The following CFAP100 variants were observed in gnomAD, a reference collection of about 807,000 sequenced individuals.
CFAP100 encodes the protein cilia- and flagella-associated protein 100.
CFAP100 carries 70 observed loss-of-function variants against 81.5 expected under a neutral mutation model. That is an observed-to-expected ratio of 0.86 (90% CI 0.71 to 1.05). The LOEUF (loss-of-function observed/expected upper bound fraction) is 1.05, where lower values mean the gene tolerates loss of function less well. CFAP100 is among the 50% of genes least tolerant of loss of function. The probability of loss-of-function intolerance (pLI) is 0.00; values close to 1 mark genes in which losing one functional copy is unlikely to be tolerated. For missense variants in CFAP100, 811 were observed against 776.5 expected, an observed-to-expected ratio of 1.04 and a Z score of -0.53; for synonymous variants, 341 against 314.8, an observed-to-expected ratio of 1.08 and a Z score of -0.88.
chr3:126,428,894 G>A (rs1186346486), intron 13 of CFAP100, among the ~76,000 whole-genome samples: 1 of 151,946 alleles, frequency 6.6e-6, no homozygotes, highest in Non-Finnish European at 1.5e-5. Flanking sequence ...ATCATCTGAG[G>A]TCAGGAGTTC....
rs779710753 is a variant in CFAP100, at chr3:126,434,173, C to A, written c.1423-3C>A. On this transcript the variant is annotated splice_region_variant and splice_polypyrimidine_tract_variant and intron_variant, in intron 14 of 16. Transcript: ENST00000352312. ...ACCCTGCTGGAAGCCACCTCCTCCA[C>A]AGGATAAGCTGCTAGAGAGCCTGAA... 1 of 1,601,420 alleles carries A rather than the reference C, an allele frequency of 6.2e-7. No homozygotes were observed. The highest frequency in any genetic ancestry group is 8.5e-7 in the Non-Finnish European group (1 of 1,170,880).
intron 2 of CFAP100, among the ~76,000 whole-genome samples, chr3:126,403,029 A>G (rs1306672799): frequency 6.6e-6 from 1 of 152,118 alleles, no homozygotes; most frequent in East Asian, 1.9e-4. Context: ...ACACCTGTGC[A>G]TCACAGTGCT....
At chr3:126,431,283 C>T (rs943235533) in intron 13 of CFAP100, among the ~76,000 whole-genome samples, 2 of 152,106 alleles carry the variant, frequency 1.3e-5, no homozygotes, top group African/African-American at 2.4e-5. Context: ...TAGCTGCCCT[C>T]GAGGTGATCC....
chr3:126,432,104 C>G (rs1159233407), intron 13 of CFAP100, among the ~76,000 whole-genome samples: 1 of 151,838 alleles, frequency 6.6e-6, no homozygotes, highest in Non-Finnish European at 1.5e-5. Flanking sequence ...CACAGTGAAA[C>G]CCCGTCTCTA....
intron 2 of CFAP100, among the ~76,000 whole-genome samples, chr3:126,398,043 T>C (rs1213249882): frequency 1.3e-5 from 2 of 152,252 alleles, no homozygotes; most frequent in African/African-American, 2.4e-5. Context: ...GGGAGGACTA[T>C]TGGCCTCTGC....
chr3:126,418,302 G>C, intron 5 of CFAP100, 156 bp from the exon 6 acceptor site: 1 of 633,212 alleles, frequency 1.6e-6, no homozygotes, highest in Non-Finnish European at 2.8e-6. Flanking sequence ...TGTGGAGACA[G>C]AGGACAAGAA....
At chr3:126,431,698 C>G (rs1241083744) in intron 13 of CFAP100, among the ~76,000 whole-genome samples, 1 of 151,876 alleles carries the variant, frequency 6.6e-6, no homozygotes, top group African/African-American at 2.4e-5. Flanking sequence ...ATTCTTCTAT[C>G]TATAAAATCT....
Position 126,419,653 on chromosome 3 carries a change from G to GC in CFAP100, c.748_749insC (p.Glu250AlafsTer11). On this transcript the variant is annotated frameshift_variant, in exon 9 of 17. Transcript: ENST00000352312. LOFTEE classifies it high-confidence loss of function. The stretch of plus-strand genomic sequence containing the variant: ...CCGGTGTAGTGAGATCTCCAGATTT[G>GC]AAGACACTCTGAAGCATTACAAGGT... 2 of 1,613,806 alleles carry GC rather than the reference G, an allele frequency of 1.2e-6. No homozygotes were observed. The highest frequency in any genetic ancestry group is 2.2e-5 in the South Asian group (2 of 91,064).
Position 126,419,711 on chromosome 3 carries a change from A to G in CFAP100, c.806A>G (p.Lys269Arg). ...YKDFLYKLSP[K>R]EWLEEQEKKH... Reference sequence around the variant, plus strand: ...GATTTCCTATACAAGCTGTCGCCCAAGGAGTGGCTTGAAGAACAGGAAAAG... The same window carrying G: ...GATTTCCTATACAAGCTGTCGCCCAGGGAGTGGCTTGAAGAACAGGAAAAG... The change falls in exon 9 of 17, where the codon AAG becomes AGG. Residue 269 changes from lysine (K) to arginine (R), a missense_variant. Transcript: ENST00000352312. 6.2e-7 allele frequency: 1 copy of G among 1,614,112 alleles called. No individual in the cohort carries two copies. Among genetic ancestry groups the G allele is most frequent in the Non-Finnish European group, 8.5e-7 (1 of 1,180,024 alleles).
At chr3:126,424,182 G>C (rs4487205) in intron 13 of CFAP100, among the ~76,000 whole-genome samples, 3,036 of 152,314 alleles carry the variant, frequency 0.02, 77 homozygotes, top group South Asian at 0.13. Flanking sequence ...GCAGCATAAC[G>C]GGGACGGGAG....
chr3:126,429,151 A>T (rs987959987), intron 13 of CFAP100, among the ~76,000 whole-genome samples: 2 of 149,958 alleles, frequency 1.3e-5, no homozygotes, highest in Admixed American at 6.7e-5. Context: ...ATTACTGTTA[A>T]TTCTTTAAAT....
chr3:126,420,147 C>A lies in CFAP100; in HGVS notation c.1000C>A (p.Arg334=). 1.9e-6 allele frequency: 3 copies of A among 1,612,764 alleles called. No homozygotes were observed. Among genetic ancestry groups the A allele is most frequent in the Non-Finnish European group, 2.5e-6 (3 of 1,179,948 alleles). Residue 334 remains arginine, a synonymous_variant, in exon 11 of 17, where the codon CGG becomes AGG. Transcript: ENST00000352312. ...GCCCTGGAGGTTTCTGCAGACGATGCGGCTGGGGCGGAGCCCGTCTTACCT... is the reference window on the plus strand; with the variant it reads ...GCCCTGGAGGTTTCTGCAGACGATGAGGCTGGGGCGGAGCCCGTCTTACCT... The part of the protein sequence containing the change: ...KKPWRFLQTM[R]LGRSPSYLSS...
intron 2 of CFAP100, among the ~76,000 whole-genome samples, chr3:126,400,614 T>C (rs1344944781): frequency 6.6e-6 from 1 of 152,106 alleles, no homozygotes; most frequent in Admixed American, 6.5e-5. Flanking sequence ...TAACCGGGCA[T>C]GGTGGCGGGC....
At position 126,420,094 on chromosome 3, in the gene CFAP100, T is replaced by C; in HGVS notation, c.956-9T>C. On this transcript the variant is annotated splice_polypyrimidine_tract_variant and intron_variant, in intron 10 of 16. Coordinates refer to ENST00000352312, the MANE Select transcript of CFAP100 (RefSeq NM_182628.3). ...CAGGGCTCGGAAACTATTCCTCTGC[T>C]TTCTCCAGAGGGTCAGGGTACAAAG... The C allele has an allele frequency of 6.2e-7, 1 of 1,613,324 alleles. No individual in the cohort carries two copies. Among genetic ancestry groups the C allele is most frequent in the Non-Finnish European group, 8.5e-7 (1 of 1,180,002 alleles).
At chr3:126,434,869 TGCAGAG>T (rs1221209815) in intron 15 of CFAP100, among the ~76,000 whole-genome samples, 6 of 151,898 alleles carry the variant, frequency 4.0e-5, no homozygotes, top group Admixed American at 2.0e-4. Context: ...GAAGACAAAG[TGCAGAG>T]GCTCAGAGAG....
chr3:126,399,654 A>G (rs1164287852), intron 2 of CFAP100, among the ~76,000 whole-genome samples: 1 of 152,178 alleles, frequency 6.6e-6, no homozygotes. Flanking sequence ...ACATCATGGC[A>G]AAGTAGGAAG....
At chr3:126,411,003 G>T (rs557140412) in intron 3 of CFAP100, among the ~76,000 whole-genome samples, 1 of 152,338 alleles carries the variant, frequency 6.6e-6, no homozygotes, top group South Asian at 2.1e-4. Context: ...GCCTTTTCCA[G>T]CCTTTAGAGG....
chr3:126,419,224 C>A, intron 8 of CFAP100, 68 bp downstream of exon 8: 1 of 1,047,236 alleles, frequency 9.5e-7, no homozygotes, highest in Non-Finnish European at 1.4e-6. Flanking sequence ...TTTGCCTGGC[C>A]AAGGGAAGCC....
intron 8 of CFAP100, among the ~76,000 whole-genome samples, chr3:126,419,381 G>A (rs993530966): frequency 6.6e-6 from 1 of 152,226 alleles, no homozygotes; most frequent in Non-Finnish European, 1.5e-5. Context: ...TGGCTCAAAG[G>A]CTTGCCCAGC....
Sources: allele counts gnomAD v4.1 joint callset (sites outside exome capture counted in the v4.1 genomes callset), GRCh38; gene constraint gnomAD v4.1.1; transcripts MANE v1.5; gene names NCBI Gene and HGNC (gene_info 2026-07-23, HGNC 2026-07-21).